PLCG2: variants seen among roughly 807,000 people sequenced by gnomAD.
The protein encoded by PLCG2 is 1-phosphatidylinositol 4,5-bisphosphate phosphodiesterase gamma-2.
PLCG2 carries 69 observed loss-of-function variants against 175.6 expected under a neutral mutation model. The observed-to-expected ratio is 0.39, with a 90% CI of 0.32 to 0.48. The LOEUF (loss-of-function observed/expected upper bound fraction) is 0.48, where lower values mean the gene tolerates loss of function less well. PLCG2 is among the 20% of genes least tolerant of loss of function. The pLI, the probability that PLCG2 is intolerant of heterozygous loss-of-function variation, is 0.91. For missense variants in PLCG2, 1,798 were observed against 1,650.9 expected (o/e 1.09, Z -1.54); for synonymous variants, 827 against 624.0 (o/e 1.33, Z -4.85).
chr16:81,962,183 A>G lies in PLCG2; in HGVS notation c.*4185A>G, dbSNP rs969215408. Reference sequence around the variant, plus strand: ...CTCTCAAGATTGCTGATCTAGGGCCACTAAGTGATGAATTGTATTTGGAAG... The same window carrying G: ...CTCTCAAGATTGCTGATCTAGGGCCGCTAAGTGATGAATTGTATTTGGAAG... On this transcript the variant is annotated 3_prime_UTR_variant, in exon 33 of 33. Coordinates refer to ENST00000564138, the MANE Select transcript of PLCG2 (RefSeq NM_002661.5). 1.6e-5 allele frequency: 3 copies of G among 185,952 alleles called. No homozygotes were observed. The East Asian group carries it at 2.6e-4, about 16-fold the overall frequency. 11.5% of individuals were successfully genotyped at this position (185,952 alleles called of 1,614,324 possible). A position where few individuals can be genotyped will look rare whatever the true frequency, so the allele number is the denominator to read the frequency against.
chr16:81,927,928 C>T (rs983250360), intron 23 of PLCG2, among the ~76,000 whole-genome samples: 3 of 152,128 alleles, frequency 2.0e-5, no homozygotes, highest in African/African-American at 7.2e-5. Flanking sequence ...CCCTTGCTTC[C>T]TCTGTACTGA....
At chr16:81,915,507 C>T (rs1404696804) in intron 19 of PLCG2, among the ~76,000 whole-genome samples, 1 of 152,230 alleles carries the variant, frequency 6.6e-6, no homozygotes, top group Non-Finnish European at 1.5e-5. Flanking sequence ...TATTCCAGAC[C>T]TGTTCCCATC....
chr16:81,905,803 G>T (rs964396905), intron 15 of PLCG2, among the ~76,000 whole-genome samples: 4 of 152,076 alleles, frequency 2.6e-5, no homozygotes, highest in Admixed American at 6.6e-5. Context: ...GGGACCACAC[G>T]TGCGCACCAC....
intron 2 of PLCG2, among the ~76,000 whole-genome samples, chr16:81,811,006 G>A (rs1318762294): frequency 2.0e-5 from 3 of 152,200 alleles, no homozygotes; most frequent in African/African-American, 4.8e-5. Flanking sequence ...GGCCTTCCTG[G>A]CCCTAGTGGC....
chr16:81,874,020 G>A (rs1295309814), intron 7 of PLCG2, among the ~76,000 whole-genome samples: 1 of 152,176 alleles, frequency 6.6e-6, no homozygotes, highest in Non-Finnish European at 1.5e-5. Context: ...GCCCCGTGTG[G>A]AACTTTGTAT....
At position 81,912,657 on chromosome 16, in the gene PLCG2, G is replaced by A. The variant is rs781197485; in HGVS notation, c.1995G>A (p.Arg665=). The A allele has an allele frequency of 2.5e-6, 4 of 1,613,034 alleles. No homozygotes were observed. The highest frequency in any genetic ancestry group is 3.4e-6 in the Non-Finnish European group (4 of 1,179,738). ...EAEDMLMRIP[R]DGAFLIRKRE... ...AGGACATGCTGATGAGGATTCCCCG[G>A]GACGGGGCCTTCCTGATCCGGAAGC... The change falls in exon 19 of 33, where the codon CGG becomes CGA. Residue 665 remains arginine (R), a synonymous_variant. Transcript: ENST00000564138.
At chr16:81,820,787 A>AT (rs1291268646) in intron 2 of PLCG2, among the ~76,000 whole-genome samples, 1 of 151,630 alleles carries the variant, frequency 6.6e-6, no homozygotes, top group African/African-American at 2.4e-5. Flanking sequence ...TGCCTGGCTA[A>AT]TTTTTGTATT....
intron 2 of PLCG2, among the ~76,000 whole-genome samples, chr16:81,851,039 C>T (rs1394273427): frequency 1.3e-5 from 2 of 152,174 alleles, no homozygotes; most frequent in Non-Finnish European, 2.9e-5. Context: ...TAGAAGTCCT[C>T]AGTGGGGTGT....
chr16:81,920,423 T>G (rs996454273), intron 20 of PLCG2, among the ~76,000 whole-genome samples: 5 of 152,138 alleles, frequency 3.3e-5, no homozygotes, highest in African/African-American at 1.2e-4. Context: ...ATATACACAA[T>G]TAAGATGTTT....
At chr16:81,949,012 A>C (rs1911264159) in intron 31 of PLCG2, among the ~76,000 whole-genome samples, 1 of 152,222 alleles carries the variant, frequency 6.6e-6, no homozygotes, top group South Asian at 2.1e-4. Context: ...GAATTCAGAG[A>C]ATAGACCTGA....
At chr16:81,870,399 C>T (rs1907455718) in intron 6 of PLCG2, among the ~76,000 whole-genome samples, 2 of 152,282 alleles carry the variant, frequency 1.3e-5, no homozygotes, top group Admixed American at 6.5e-5. Flanking sequence ...CAATGCTTTA[C>T]AAAATGACCT....
At chr16:81,881,788 C>A (rs1214452054) in intron 8 of PLCG2, among the ~76,000 whole-genome samples, 1 of 151,702 alleles carries the variant, frequency 6.6e-6, no homozygotes, top group Non-Finnish European at 1.5e-5. Flanking sequence ...GGACTACAGG[C>A]ATCCATCATG....
At chr16:81,867,400 C>T (rs1446841250) in intron 5 of PLCG2, among the ~76,000 whole-genome samples, 1 of 152,178 alleles carries the variant, frequency 6.6e-6, no homozygotes, top group African/African-American at 2.4e-5. Flanking sequence ...GTGAGCTACT[C>T]GCTTGGAGGC....
At chr16:81,827,070 T>C (rs139751819) in intron 2 of PLCG2, among the ~76,000 whole-genome samples, 3 of 152,316 alleles carry the variant, frequency 2.0e-5, no homozygotes, top group Admixed American at 6.5e-5. Flanking sequence ...ATGATTGTGC[T>C]GTGGCCTAGG....
At chr16:81,806,577 A>G (rs1904281822) in intron 2 of PLCG2, among the ~76,000 whole-genome samples, 1 of 151,986 alleles carries the variant, frequency 6.6e-6, no homozygotes. Context: ...TGAGAGTAGG[A>G]GTCTGCACCA....
chr16:81,861,999 C>T (rs1486318683), intron 5 of PLCG2, among the ~76,000 whole-genome samples: 3 of 152,232 alleles, frequency 2.0e-5, no homozygotes, highest in South Asian at 2.1e-4. Context: ...GTGGGCAGAG[C>T]CCTGCTCTCT....
chr16:81,883,424 T>A (rs1023629085), intron 9 of PLCG2, 83 bp downstream of exon 9: 1 of 1,077,898 alleles, frequency 9.3e-7, no homozygotes, highest in Non-Finnish European at 1.4e-6. Context: ...CCGCCTGTGC[T>A]CACCTGGTCA....
chr16:81,831,750 G>A (rs1001287125), intron 2 of PLCG2, among the ~76,000 whole-genome samples: 6 of 152,096 alleles, frequency 3.9e-5, no homozygotes, highest in African/African-American at 4.8e-5. Flanking sequence ...GAGGCTCCCC[G>A]CTCTTGCCCC....
At chr16:81,947,664 A>G (rs1427036715) in intron 31 of PLCG2, among the ~76,000 whole-genome samples, 1 of 152,232 alleles carries the variant, frequency 6.6e-6, no homozygotes, top group Admixed American at 6.5e-5. Flanking sequence ...CAGCCCCAGA[A>G]AACTGTCAAT....
Sources: allele counts gnomAD v4.1 joint callset (sites outside exome capture counted in the v4.1 genomes callset), GRCh38; gene constraint gnomAD v4.1.1; transcripts MANE v1.5; gene names NCBI Gene and HGNC (gene_info 2026-07-23, HGNC 2026-07-21).